Variants in SLC16A2 observed in about 807,000 individuals in gnomAD.
SLC16A2 encodes the protein monocarboxylate transporter 8.
In SLC16A2, 3 loss-of-function variants were observed where a neutral mutation model predicts 27.2. The ratio of observed to expected loss-of-function variants is 0.11; its 90% confidence interval spans 0.05 to 0.28. The LOEUF is 0.28. Among genes scored for constraint, SLC16A2 ranks in the 10% least tolerant of loss-of-function variants. The pLI is 1.00. For synonymous variants in SLC16A2, 202 were observed against 187.8 expected (o/e 1.08, Z -0.62); for missense variants, 295 against 458.5 (o/e 0.64, Z 3.26).
At chrX:74,435,623 A>G (rs988256492) in intron 1 of SLC16A2, among the ~76,000 whole-genome samples, 1 of 95,024 alleles carries the variant, frequency 1.1e-5, no homozygotes, top group Non-Finnish European at 2.1e-5. Flanking sequence ...TGGGGGAAGA[A>G]ATGTAGAAGC....
intron 1 of SLC16A2, among the ~76,000 whole-genome samples, chrX:74,502,924 C>T (rs1309605365): frequency 9.1e-6 from 1 of 110,328 alleles, no homozygotes; most frequent in Non-Finnish European, 1.9e-5. Context: ...TGTGTGTTAG[C>T]CTTCTGCTTG....
At chrX:74,438,515 C>T (rs1368220250) in intron 1 of SLC16A2, among the ~76,000 whole-genome samples, 1 of 112,703 alleles carries the variant, frequency 8.9e-6, no homozygotes, top group East Asian at 2.8e-4. Flanking sequence ...ACTCATGACA[C>T]AGACAATTAA....
chrX:74,463,938 C>T (rs945297952), intron 1 of SLC16A2, among the ~76,000 whole-genome samples: 12 of 112,253 alleles, frequency 1.1e-4, no homozygotes, highest in African/African-American at 3.9e-4. Context: ...TTAGTTCATC[C>T]CTCCCTCCAC....
intron 1 of SLC16A2, among the ~76,000 whole-genome samples, chrX:74,499,262 C>T (rs770696249): frequency 5.6e-4 from 62 of 109,917 alleles, no homozygotes; most frequent in African/African-American, 2.0e-3. Flanking sequence ...AACAAGAATC[C>T]TCTCTATCCT....
chrX:74,434,859 A>T (rs1311901960), intron 1 of SLC16A2, among the ~76,000 whole-genome samples: 4 of 95,128 alleles, frequency 4.2e-5, no homozygotes, highest in African/African-American at 1.6e-4. Context: ...TCTGTCGCCC[A>T]GGCTGGAGTG....
intron 1 of SLC16A2, among the ~76,000 whole-genome samples, chrX:74,456,905 A>G (rs1473572960): frequency 3.6e-5 from 4 of 112,148 alleles, no homozygotes; most frequent in African/African-American, 1.3e-4. Flanking sequence ...GGGTTCAGAG[A>G]GAAACAGGGA....
intron 1 of SLC16A2, among the ~76,000 whole-genome samples, chrX:74,492,217 C>T (rs1020245821): frequency 9.0e-6 from 1 of 111,368 alleles, no homozygotes; most frequent in Admixed American, 9.5e-5. Flanking sequence ...GGGAGGGGGA[C>T]TCATAGAAGA....
At chrX:74,480,832 T>TTATA (rs1439692131) in intron 1 of SLC16A2, among the ~76,000 whole-genome samples, 1 of 112,362 alleles carries the variant, frequency 8.9e-6, no homozygotes, top group Non-Finnish European at 1.9e-5. Context: ...GGGGAAGCAG[T>TTATA]CTTTCAGCAA....
At chrX:74,445,173 CGT>C (rs752058587) in intron 1 of SLC16A2, among the ~76,000 whole-genome samples, 3 of 110,248 alleles carry the variant, frequency 2.7e-5, no homozygotes, top group Non-Finnish European at 3.8e-5. Context: ...TTCTAAGTTG[CGT>C]GTGTGTGTGT....
chrX:74,498,574 G>C (rs1929976612), intron 1 of SLC16A2, among the ~76,000 whole-genome samples: 1 of 111,763 alleles, frequency 8.9e-6, no homozygotes, highest in Admixed American at 9.5e-5. Flanking sequence ...TAATAACTCT[G>C]TCTTCTGCAT....
At chrX:74,515,004 C>T (rs924808891) in intron 1 of SLC16A2, among the ~76,000 whole-genome samples, 6 of 111,356 alleles carry the variant, frequency 5.4e-5, no homozygotes, top group East Asian at 5.7e-4. Context: ...TAGAAAATCA[C>T]GAATCACACC....
At chrX:74,475,046 A>T (rs1193431192) in intron 1 of SLC16A2, among the ~76,000 whole-genome samples, 1 of 111,047 alleles carries the variant, frequency 9.0e-6, no homozygotes, top group African/African-American at 3.3e-5. Context: ...ATCCCTGAGG[A>T]ATCGCCACAC....
intron 1 of SLC16A2, among the ~76,000 whole-genome samples, chrX:74,458,169 C>T (rs1305140813): frequency 1.8e-5 from 2 of 111,330 alleles, no homozygotes; most frequent in Non-Finnish European, 3.8e-5. Flanking sequence ...TTTTAAGTGG[C>T]CTCCCCCTCA....
At chrX:74,520,641 G>C (rs1039894890) in intron 1 of SLC16A2, among the ~76,000 whole-genome samples, 12 of 111,421 alleles carry the variant, frequency 1.1e-4, no homozygotes, top group South Asian at 3.7e-4. Flanking sequence ...GTCTTCACAG[G>C]GTTCTTCTAA....
chrX:74,468,430 G>A (rs111844191), intron 1 of SLC16A2, among the ~76,000 whole-genome samples: 146 of 111,759 alleles, frequency 1.3e-3, no homozygotes, highest in African/African-American at 4.6e-3. Flanking sequence ...CTATATCATA[G>A]CATGTATTAG....
chrX:74,519,230 C>T (rs1025745936), intron 1 of SLC16A2, among the ~76,000 whole-genome samples: 6 of 107,508 alleles, frequency 5.6e-5, no homozygotes, highest in Non-Finnish European at 3.9e-5. Context: ...CAGCCTGGAG[C>T]GCAGTGGTGA....
At chrX:74,433,049 C>A (rs182527748) in intron 1 of SLC16A2, among the ~76,000 whole-genome samples, 4 of 111,525 alleles carry the variant, frequency 3.6e-5, no homozygotes, top group African/African-American at 1.3e-4. Context: ...ATACCCTACC[C>A]TTAACACTTT....
intron 4 of SLC16A2, 83 bp downstream of exon 4, chrX:74,525,976 T>C: frequency 4.7e-6 from 5 of 1,063,863 alleles, no homozygotes; most frequent in Non-Finnish European, 6.5e-6. Context: ...GATAGAATGG[T>C]AGCTTGTTGT....
intron 1 of SLC16A2, among the ~76,000 whole-genome samples, chrX:74,440,949 G>T (rs1928733345): frequency 1.1e-5 from 1 of 88,213 alleles, no homozygotes; most frequent in Non-Finnish European, 2.4e-5. Flanking sequence ...TGAGGAAAAA[G>T]GCATGTGTAA....
Sources: gnomAD v4.1 joint callset for allele counts (sites outside exome capture counted in the v4.1 genomes callset) on GRCh38, gnomAD v4.1.1 for gene constraint, MANE v1.5 for transcripts, NCBI Gene and HGNC (gene_info 2026-07-23, HGNC 2026-07-21) for gene names.